The following RGS6 variants were observed in gnomAD, a reference collection of about 807,000 sequenced individuals.
The protein encoded by RGS6 is regulator of G-protein signaling 6.
RGS6 carries 30 observed loss-of-function variants against 78.5 expected under a neutral mutation model. The observed-to-expected ratio is 0.38, with a 90% CI of 0.29 to 0.52. The LOEUF (loss-of-function observed/expected upper bound fraction) is 0.52, where lower values mean the gene tolerates loss of function less well. Among genes scored for constraint, RGS6 ranks in the 20% least tolerant of loss-of-function variants. The pLI, the probability that RGS6 is intolerant of heterozygous loss-of-function variation, is 0.85. For missense variants in RGS6, 495 were observed against 609.7 expected (o/e 0.81, Z 1.98); for synonymous variants, 206 against 206.0 (o/e 1.00, Z 0.00).
chr14:72,155,466 A>G (rs972442505), intron 2 of RGS6, among the ~76,000 whole-genome samples: 1 of 152,304 alleles, frequency 6.6e-6, no homozygotes, highest in Admixed American at 6.5e-5. Context: ...ACCACCCACA[A>G]TGCAGATTAG....
At chr14:72,316,890 A>AG (rs2070406835) in intron 2 of RGS6, among the ~76,000 whole-genome samples, 1 of 123,980 alleles carries the variant, frequency 8.1e-6, no homozygotes, top group Admixed American at 8.3e-5. Flanking sequence ...AATTGAAAGC[A>AG]GGTGAAGTGT....
chr14:72,136,063 G>A lies in RGS6; in HGVS notation c.84+171188G>A, dbSNP rs1454981918. ...TTGCCTGACAGTTATCATTTTCCTT[G>A]ACGAAAAGTTTTTCTGAATCTTGCT... On this transcript the variant is annotated intron_variant, in intron 2 of 17. Transcript: ENST00000553525. Among the ~76,000 whole-genome samples the A allele has an allele frequency of 2.6e-5, 4 of 152,144 alleles. No individual in the cohort carries two copies. In the East Asian group the frequency reaches 5.8e-4, roughly 22 times the overall value.
At chr14:71,878,199 C>A in the RGS6 span, among the ~76,000 whole-genome samples, 1 of 152,206 alleles carries the variant, frequency 6.6e-6, no homozygotes, top group Non-Finnish European at 1.5e-5. Context: ...TGACTACTCT[C>A]TTCAAAGCTG....
intron 2 of RGS6, among the ~76,000 whole-genome samples, chr14:72,024,617 A>G (rs2089459988): frequency 1.3e-5 from 2 of 152,152 alleles, no homozygotes; most frequent in African/African-American, 2.4e-5. Context: ...ATGAGTACCT[A>G]TGTTGAAATA....
At chr14:72,362,222 A>G (rs535934549) in intron 3 of RGS6, among the ~76,000 whole-genome samples, 2 of 152,220 alleles carry the variant, frequency 1.3e-5, no homozygotes, top group Non-Finnish European at 2.9e-5. Flanking sequence ...AGGTAGATCA[A>G]TGATTTATAT....
chr14:71,921,312 G>T, the RGS6 span, among the ~76,000 whole-genome samples: 1 of 151,130 alleles, frequency 6.6e-6, no homozygotes, highest in African/African-American at 2.4e-5. Flanking sequence ...TAAAAAAAAG[G>T]GTTCCCCCAG....
At chr14:72,601,746 A>G in the RGS6 span, among the ~76,000 whole-genome samples, 22 of 151,664 alleles carry the variant, frequency 1.5e-4, no homozygotes, top group African/African-American at 5.1e-4. Flanking sequence ...ATAAAATAAA[A>G]CTCTCCTCCA....
intron 2 of RGS6, among the ~76,000 whole-genome samples, chr14:72,272,182 TAAATC>T (rs1283338251): frequency 6.6e-6 from 1 of 152,198 alleles, no homozygotes; most frequent in East Asian, 1.9e-4. Context: ...ATTTTTTTGA[TAAATC>T]AGATAAGTAC....
chr14:72,325,743 TC>T (rs1778924578), intron 2 of RGS6, among the ~76,000 whole-genome samples: 1 of 151,860 alleles, frequency 6.6e-6, no homozygotes, highest in African/African-American at 2.4e-5. Flanking sequence ...AATAGGTACT[TC>T]CCAAAAAGAA....
At chr14:72,181,818 T>G (rs903004965) in intron 2 of RGS6, among the ~76,000 whole-genome samples, 5 of 152,348 alleles carry the variant, frequency 3.3e-5, no homozygotes, top group African/African-American at 1.2e-4. Flanking sequence ...ATGTGCCTAA[T>G]AGAGTCAGAG....
At chr14:72,060,164 C>T (rs144143133) in intron 2 of RGS6, among the ~76,000 whole-genome samples, 1 of 152,166 alleles carries the variant, frequency 6.6e-6, no homozygotes, top group Non-Finnish European at 1.5e-5. Flanking sequence ...TCTATTAGGT[C>T]TTTGGTGATT....
At chr14:72,163,414 A>G (rs1015976432) in intron 2 of RGS6, among the ~76,000 whole-genome samples, 1 of 152,228 alleles carries the variant, frequency 6.6e-6, no homozygotes, top group African/African-American at 2.4e-5. Context: ...GGAGATGGTA[A>G]ACCTACTAGG....
At chr14:72,376,162 A>G (rs546808063) in intron 3 of RGS6, among the ~76,000 whole-genome samples, 1 of 152,234 alleles carries the variant, frequency 6.6e-6, no homozygotes, top group African/African-American at 2.4e-5. Flanking sequence ...AGAGATAGAT[A>G]TCATTTAAAA....
chr14:72,023,910 G>C (rs1281424545), intron 2 of RGS6, among the ~76,000 whole-genome samples: 1 of 152,160 alleles, frequency 6.6e-6, no homozygotes, highest in Admixed American at 6.5e-5. Flanking sequence ...CAGAGGGCTT[G>C]GTCCAAGTTA....
the RGS6 span, chr14:72,620,055 T>C: frequency 7.0e-7 from 1 of 1,434,966 alleles, no homozygotes; most frequent in Non-Finnish European, 9.2e-7. Flanking sequence ...GGCCCCCGCT[T>C]ACCCATCAGC....
At chr14:72,616,861 T>C in the RGS6 span, among the ~76,000 whole-genome samples, 1 of 152,244 alleles carries the variant, frequency 6.6e-6, no homozygotes, top group East Asian at 1.9e-4. Context: ...GAGACTTTTG[T>C]CTGCTTGTAG....
At chr14:72,107,734 T>C (rs1166060721) in intron 2 of RGS6, among the ~76,000 whole-genome samples, 3 of 152,296 alleles carry the variant, frequency 2.0e-5, no homozygotes, top group African/African-American at 2.4e-5. Flanking sequence ...TTTTAACGTC[T>C]TCTGTATGGC....
intron 1 of RGS6, among the ~76,000 whole-genome samples, chr14:71,936,041 T>TATATATATACAC (rs1555390355): frequency 7.8e-6 from 1 of 127,710 alleles, no homozygotes; most frequent in African/African-American, 2.8e-5. Flanking sequence ...TATATATATA[T>TATATATATACAC]GTACATATAT....
At chr14:72,392,850 C>G (rs543955442) in intron 3 of RGS6, among the ~76,000 whole-genome samples, 15 of 152,192 alleles carry the variant, frequency 9.9e-5, no homozygotes, top group Non-Finnish European at 2.1e-4. Context: ...GATGCAGCCT[C>G]TCCACCCCAC....
Sources: gnomAD v4.1 joint callset for allele counts (sites outside exome capture counted in the v4.1 genomes callset) on GRCh38, gnomAD v4.1.1 for gene constraint, MANE v1.5 for transcripts, NCBI Gene and HGNC (gene_info 2026-07-23, HGNC 2026-07-21) for gene names.